Variants in GTF2A2 observed in about 807,000 individuals in gnomAD.
GTF2A2 encodes transcription initiation factor IIA subunit 2.
GTF2A2 carries 9 observed loss-of-function variants against 14.3 expected under a neutral mutation model. The observed-to-expected ratio is 0.63, with a 90% CI of 0.38 to 1.10. The LOEUF (loss-of-function observed/expected upper bound fraction) is 1.10, where lower values mean the gene tolerates loss of function less well. GTF2A2 is among the 50% of genes least tolerant of loss of function. GTF2A2 has a pLI of 0.01. For synonymous variants in GTF2A2, 56 were observed against 46.0 expected, an observed-to-expected ratio of 1.22 and a Z score of -0.88; for missense variants, 90 against 124.6, an observed-to-expected ratio of 0.72 and a Z score of 1.32.
chr15:59,652,138 G>A, intron 2 of GTF2A2, 68 bp downstream of exon 2: 3 of 878,356 alleles, frequency 3.4e-6, no homozygotes, highest in South Asian at 1.4e-5. Flanking sequence ...CTTTGCCTAA[G>A]TGATATGACA....
intron 4 of GTF2A2, among the ~76,000 whole-genome samples, chr15:59,641,257 A>C (rs1470542999): frequency 7.3e-5 from 11 of 150,734 alleles, no homozygotes; most frequent in African/African-American, 2.7e-4. Flanking sequence ...ATATACATAC[A>C]TTTTTGCAAA....
At chr15:59,653,949 G>A (rs559131064) in intron 1 of GTF2A2, among the ~76,000 whole-genome samples, 4 of 152,132 alleles carry the variant, frequency 2.6e-5, no homozygotes, top group South Asian at 4.2e-4. Context: ...CTTTCAGCTC[G>A]TCCTTCTAAC....
chr15:59,642,284 A>G (rs749115140), intron 3 of GTF2A2, 22 bp from the exon 4 acceptor site: 2 of 1,566,248 alleles, frequency 1.3e-6, no homozygotes, highest in South Asian at 2.4e-5. Context: ...AACATTTAGA[A>G]ATACCGTGAA....
chr15:59,650,853 C>G, intron 2 of GTF2A2, 80 bp from the exon 3 acceptor site: 1 of 780,464 alleles, frequency 1.3e-6, no homozygotes, highest in Non-Finnish European at 2.1e-6. Context: ...AAATTATCAT[C>G]TAAAATTTAA....
At chr15:59,639,393 T>C (rs1177314833) in intron 4 of GTF2A2, among the ~76,000 whole-genome samples, 6 of 152,012 alleles carry the variant, frequency 3.9e-5, no homozygotes, top group Non-Finnish European at 8.8e-5. Context: ...AGAGTAAAAC[T>C]AAGTTGAACT....
chr15:59,642,752 TATA>T (rs1430284570), intron 3 of GTF2A2, among the ~76,000 whole-genome samples: 2 of 152,216 alleles, frequency 1.3e-5, no homozygotes, highest in Non-Finnish European at 2.9e-5. Context: ...TTGTGCAACT[TATA>T]ATTTTTTATA....
At chr15:59,643,434 G>A (rs561067661) in intron 3 of GTF2A2, among the ~76,000 whole-genome samples, 9 of 151,194 alleles carry the variant, frequency 6.0e-5, no homozygotes, top group Admixed American at 3.3e-4. Context: ...GGCCGGGCTA[G>A]TCAAACTTTT....
rs917499545 is a variant in GTF2A2 at position 59,638,871 on chromosome 15, G to C, written c.*261C>G. 17 of 382,936 alleles carry C rather than the reference G, an allele frequency of 4.4e-5. No homozygotes were observed. The highest frequency in any genetic ancestry group is 8.1e-5 in the Non-Finnish European group (17 of 211,174). 23.7% of individuals were successfully genotyped at this position (382,936 alleles called of 1,614,324 possible). A position where few individuals can be genotyped will look rare whatever the true frequency, so the allele number is the denominator to read the frequency against. ...ATAGCTTCACCAGTTATTACTCAGAGTTTTAAAATGAGTTTATTAAAGAAG... is the reference window on the plus strand; with the variant it reads ...ATAGCTTCACCAGTTATTACTCAGACTTTTAAAATGAGTTTATTAAAGAAG... On this transcript the variant is annotated 3_prime_UTR_variant, in exon 5 of 5. Transcript: ENST00000396060.
intron 3 of GTF2A2, among the ~76,000 whole-genome samples, chr15:59,648,663 A>G (rs974707381): frequency 2.6e-5 from 4 of 151,722 alleles, no homozygotes; most frequent in Non-Finnish European, 4.4e-5. Flanking sequence ...GGCCGGGCGC[A>G]GTGGCTCAAG....
At chr15:59,645,233 T>C (rs2141959997) in intron 3 of GTF2A2, among the ~76,000 whole-genome samples, 1 of 152,222 alleles carries the variant, frequency 6.6e-6, no homozygotes, top group South Asian at 2.1e-4. Context: ...TATATCTAAG[T>C]CATGATGTCC....
In GTF2A2 at chr15:59,640,365, G is replaced by C. The variant is rs1466474142; in HGVS notation, c.305-1208C>G. ...GATATTATACACCAGTATTTATTCT[G>C]TTCAGAGGCTTTATTTACTGATTTT... On this transcript the variant is annotated intron_variant, in intron 4 of 4. Transcript: ENST00000396060. 5 of 152,276 alleles carry C rather than the reference G, an allele frequency of 3.3e-5. No homozygotes were observed. In the South Asian group the frequency reaches 1.0e-3, roughly 32 times the overall value. 9.4% of individuals were successfully genotyped at this position (152,276 alleles called of 1,614,324 possible). A position where few individuals can be genotyped will look rare whatever the true frequency, so the allele number is the denominator to read the frequency against.
chr15:59,656,694 A>G (rs192378342), intron 1 of GTF2A2: 1 of 152,310 alleles, frequency 6.6e-6, no homozygotes, highest in East Asian at 1.9e-4. Context: ...GGTAGATAAA[A>G]ACTCCACAGA....
intron 1 of GTF2A2, among the ~76,000 whole-genome samples, chr15:59,655,984 A>T (rs1891931350): frequency 6.6e-6 from 1 of 152,102 alleles, no homozygotes; most frequent in South Asian, 2.1e-4. Context: ...AAAATCTCCT[A>T]AATGATTTCC....
intron 1 of GTF2A2, among the ~76,000 whole-genome samples, chr15:59,655,265 A>T (rs1891909067): frequency 6.6e-6 from 1 of 152,130 alleles, no homozygotes; most frequent in Non-Finnish European, 1.5e-5. Context: ...GCTACATCCT[A>T]TTTCTCAGTT....
At chr15:59,649,195 T>C (rs1227638008) in intron 3 of GTF2A2, among the ~76,000 whole-genome samples, 2 of 152,310 alleles carry the variant, frequency 1.3e-5, no homozygotes, top group East Asian at 3.9e-4. Context: ...TTGATCAAGT[T>C]GGCTGTAACC....
intron 3 of GTF2A2, among the ~76,000 whole-genome samples, chr15:59,646,033 T>TAAAA (rs34672716): frequency 1.4e-5 from 2 of 138,020 alleles, no homozygotes; most frequent in East Asian, 4.2e-4. Flanking sequence ...GGCTCCGCCT[T>TAAAA]AAAAAAAAAA....
At chr15:59,652,004 A>G (rs11637071) in intron 2 of GTF2A2, 259,539 of 468,856 alleles carry the variant, frequency 0.55, 75,589 homozygotes, top group Middle Eastern at 0.63. Context: ...ATATTTAATG[A>G]TATCATTCAA....
chr15:59,653,363 G>C (rs1322929337), intron 1 of GTF2A2, among the ~76,000 whole-genome samples: 13 of 152,194 alleles, frequency 8.5e-5, no homozygotes, highest in Non-Finnish European at 1.6e-4. Context: ...GCAATCATCA[G>C]ATAAAACTCA....
chr15:59,638,888 TTAAAGAAGGTTC>T lies in GTF2A2; in HGVS notation c.*232_*243del. ...TACTCAGAGTTTTAAAATGAGTTTATTAAAGAAGGTTCTTAGGAAGGCAACAACTTTTGTCCT... is the reference window on the plus strand; with the variant it reads ...TACTCAGAGTTTTAAAATGAGTTTATTTAGGAAGGCAACAACTTTTGTCCT... On this transcript the variant is annotated 3_prime_UTR_variant, in exon 5 of 5. Transcript: ENST00000396060. 1 of 411,932 alleles carries T rather than the reference TTAAAGAAGGTTC, an allele frequency of 2.4e-6. No individual in the cohort carries two copies. Among genetic ancestry groups the T allele is most frequent in the South Asian group, 3.3e-5 (1 of 29,884 alleles). 25.5% of individuals were successfully genotyped at this position (411,932 alleles called of 1,614,324 possible).
Sources: allele counts gnomAD v4.1 joint callset (sites outside exome capture counted in the v4.1 genomes callset), GRCh38; gene constraint gnomAD v4.1.1; transcripts MANE v1.5; gene names NCBI Gene and HGNC (gene_info 2026-07-23, HGNC 2026-07-21).